Variants in FBLN7 observed in about 807,000 individuals in gnomAD.
FBLN7 encodes the protein fibulin-7.
A neutral mutation model predicts 44.0 loss-of-function variants in FBLN7; 31 were observed. That is an observed-to-expected ratio of 0.70 (90% CI 0.53 to 0.95). The LOEUF is 0.95. Among genes scored for constraint, FBLN7 ranks in the 40% least tolerant of loss-of-function variants. The pLI, the probability that FBLN7 is intolerant of heterozygous loss-of-function variation, is 0.00. For missense variants in FBLN7, 573 were observed against 618.5 expected, an observed-to-expected ratio of 0.93 and a Z score of 0.78; for synonymous variants, 262 against 253.4, an observed-to-expected ratio of 1.03 and a Z score of -0.32.
Position 112,181,999 on chromosome 2 carries a change from C to T in FBLN7, c.670+123C>T, listed in dbSNP as rs182683993. The stretch of plus-strand genomic sequence containing the variant: ...CTTCCTGCGCGCGGTCTCAGAAGGC[C>T]TGGCCACTTTGCATTATAGGTAAGT... On this transcript the variant is annotated intron_variant, in intron 5 of 7. Transcript: ENST00000331203. The T allele has an allele frequency of 1.0e-5, 13 of 1,252,760 alleles. No individual in the cohort carries two copies. The African/African-American group carries it at 1.1e-4, about 11-fold the overall frequency. The allele number at this position is 1,252,760 out of a possible 1,614,324, so 77.6% of individuals were successfully genotyped here.
chr2:112,190,366 C>G (rs1254129738), downstream of FBLN7: 2 of 152,154 alleles, frequency 1.3e-5, no homozygotes, highest in East Asian at 3.8e-4. Flanking sequence ...AGCTGACATA[C>G]TTTATAAAGA....
chr2:112,194,369 A>C, the FBLN7 span, among the ~76,000 whole-genome samples: 1 of 152,210 alleles, frequency 6.6e-6, no homozygotes. Context: ...GGTTGGTGGA[A>C]AGTGACCCAT....
At chr2:112,153,000 TAG>T (rs922062254) in intron 1 of FBLN7, 16 of 152,222 alleles carry the variant, frequency 1.1e-4, no homozygotes, top group African/African-American at 3.6e-4. Context: ...TCTGTTTCTG[TAG>T]AGAGTTCTGA....
the FBLN7 span, chr2:112,215,944 AC>A: frequency 6.6e-6 from 1 of 152,226 alleles, no homozygotes; most frequent in Non-Finnish European, 1.5e-5. Flanking sequence ...ACAATAGGAA[AC>A]TGGTTTAAAA....
At chr2:112,232,043 G>T in the FBLN7 span, 3 of 668,408 alleles carry the variant, frequency 4.5e-6, no homozygotes, top group Admixed American at 6.8e-5. Flanking sequence ...GACCTCTGTG[G>T]CCGGGCGAGG....
intron 1 of FBLN7, chr2:112,152,952 G>T (rs1046876968): frequency 6.6e-6 from 1 of 152,120 alleles, no homozygotes; most frequent in African/African-American, 2.4e-5. Flanking sequence ...ACGTATGCAT[G>T]TGTGTGTATA....
chr2:112,175,982 C>A, intron 4 of FBLN7, 143 bp downstream of exon 4: 2 of 1,050,966 alleles, frequency 1.9e-6, no homozygotes, highest in Non-Finnish European at 2.7e-6. Context: ...TCACATCCAC[C>A]GATCCCTCTG....
chr2:112,216,126 C>T, the FBLN7 span: 1 of 152,208 alleles, frequency 6.6e-6, no homozygotes, highest in Non-Finnish European at 1.5e-5. Flanking sequence ...CCTCTTTACT[C>T]ACCCTCACTC....
chr2:112,226,589 C>CAAAA, the FBLN7 span, among the ~76,000 whole-genome samples: 1 of 74,226 alleles, frequency 1.3e-5, no homozygotes, highest in Non-Finnish European at 2.5e-5. Context: ...GACTCCATCT[C>CAAAA]AAAAAAAAAA....
chr2:112,175,450 C>G (rs1286275901), intron 3 of FBLN7, among the ~76,000 whole-genome samples: 1 of 152,212 alleles, frequency 6.6e-6, no homozygotes, highest in East Asian at 1.9e-4. Context: ...CATAGGCCAG[C>G]TCCTGCATGC....
intron 1 of FBLN7, among the ~76,000 whole-genome samples, chr2:112,144,069 A>T (rs1238903683): frequency 6.6e-6 from 1 of 152,178 alleles, no homozygotes; most frequent in Non-Finnish European, 1.5e-5. Flanking sequence ...GAAATAACAG[A>T]CATCATTCTA....
the FBLN7 span, among the ~76,000 whole-genome samples, chr2:112,237,169 G>A: frequency 6.6e-6 from 1 of 152,204 alleles, no homozygotes; most frequent in East Asian, 1.9e-4. Context: ...GAAGCTCTGG[G>A]ACTAAGGGAC....
At chr2:112,174,977 C>T (rs899211452) in intron 3 of FBLN7, among the ~76,000 whole-genome samples, 1 of 151,808 alleles carries the variant, frequency 6.6e-6, no homozygotes, top group Admixed American at 6.6e-5. Context: ...AAATTATAAA[C>T]TAGCAAAGAA....
intron 4 of FBLN7, among the ~76,000 whole-genome samples, chr2:112,179,483 A>C (rs1682879052): frequency 6.6e-6 from 1 of 151,744 alleles, no homozygotes; most frequent in Admixed American, 6.6e-5. Context: ...CAGAACTAGA[A>C]AAAAATTACT....
the FBLN7 span, among the ~76,000 whole-genome samples, chr2:112,208,367 C>T: frequency 6.6e-6 from 1 of 152,072 alleles, no homozygotes; most frequent in Non-Finnish European, 1.5e-5. Context: ...CACCATTGTA[C>T]TCCAGCCTGG....
In FBLN7 at chr2:112,182,911, A is replaced by G; in HGVS notation, c.791A>G (p.Asp264Gly). The part of the protein sequence containing the change: ...TCPGGYRTLA[D>G]GKSCEDVDEC... ...CCCGGTGGATACCGAACTCTGGCTG[A>G]CGGGAAGAGCTGTGAGGGTGAGTGA... The change falls in exon 6 of 8, where the codon GAC becomes GGC. Residue 264 changes from aspartate to glycine, a missense_variant. Transcript: ENST00000331203. 6 of 1,612,678 alleles carry G rather than the reference A, an allele frequency of 3.7e-6. No homozygotes were observed. Among genetic ancestry groups the G allele is most frequent in the Non-Finnish European group, 5.1e-6 (6 of 1,179,812 alleles).
In FBLN7 at chr2:112,187,446, C is replaced by G; in HGVS notation, c.1260C>G (p.Arg420=). The G allele has an allele frequency of 1.9e-6, 3 of 1,614,218 alleles. No individual in the cohort carries two copies. Among genetic ancestry groups the G allele is most frequent in the Non-Finnish European group, 2.5e-6 (3 of 1,180,048 alleles). Residue 420 remains arginine (R), a synonymous_variant, in exon 8 of 8, where the codon CGC becomes CGG. Transcript: ENST00000331203. This position sits in a 1 kb window ranked among gnomAD's most constrained non-coding sequence, Gnocchi z 5.1. ...TCGACATGTCGGAATACCTGGACCG[C>G]TCCTTCCAGGCCAACCACGTGTCCA... The part of the protein sequence containing the change: ...VDVDMSEYLD[R]SFQANHVSKV...
the FBLN7 span, among the ~76,000 whole-genome samples, chr2:112,230,523 G>C: frequency 6.6e-6 from 1 of 151,968 alleles, no homozygotes; most frequent in Non-Finnish European, 1.5e-5. Context: ...ATGAATGACA[G>C]CTGCATGCAT....
At chr2:112,236,588 G>A in the FBLN7 span, 2 of 1,613,898 alleles carry the variant, frequency 1.2e-6, no homozygotes, top group Non-Finnish European at 1.7e-6. Context: ...CTGTTCCTCA[G>A]CAAAGCATTT....
Sources: gnomAD v4.1 joint callset for allele counts (sites outside exome capture counted in the v4.1 genomes callset) on GRCh38, gnomAD v4.1.1 for gene constraint, Gnocchi (gnomAD v3.1) non-coding constraint, MANE v1.5 for transcripts, NCBI Gene and HGNC (gene_info 2026-07-23, HGNC 2026-07-21) for gene names.